The following NSD1 variants were observed in gnomAD, a reference collection of about 807,000 sequenced individuals.
The protein encoded by NSD1 is histone-lysine N-methyltransferase, H3 lysine-36 specific.
Under a neutral mutation model 242.7 loss-of-function variants are expected in NSD1, and 26 were observed. The ratio of observed to expected loss-of-function variants is 0.11; its 90% CI spans 0.08 to 0.15. The LOEUF (loss-of-function observed/expected upper bound fraction) is 0.15. Ranked by LOEUF, NSD1 falls within the 10% of genes least tolerant of loss-of-function variation. The pLI is 1.00. For missense variants in NSD1, 2,495 were observed against 3,272.8 expected (o/e 0.76, Z 5.80); for synonymous variants, 1,106 against 1,178.1 (o/e 0.94, Z 1.25).
intron 5 of NSD1, among the ~76,000 whole-genome samples, chr5:177,221,277 GTCTT>G (rs1764212903): frequency 6.7e-6 from 1 of 150,342 alleles, no homozygotes; most frequent in Non-Finnish European, 1.5e-5. Context: ...CCCTTTTGCT[GTCTT>G]TCTGCCTTCC....
chr5:177,144,085 GATACAAGATAATTTATATGAAGTA>G (rs1358988398), intron 2 of NSD1, among the ~76,000 whole-genome samples: 1 of 152,142 alleles, frequency 6.6e-6, no homozygotes, highest in Non-Finnish European at 1.5e-5. Context: ...TCCTGGCCAT[GATACAAGATAATTTATATGAAGTA>G]ATACACTGCT....
At chr5:177,281,249 T>A (rs1758849479) in intron 18 of NSD1, among the ~76,000 whole-genome samples, 1 of 152,098 alleles carries the variant, frequency 6.6e-6, no homozygotes, top group Non-Finnish European at 1.5e-5. Flanking sequence ...GGTTAAGCCT[T>A]ATTGGATGAA....
At chr5:177,233,360 C>A (rs1015496510) in intron 5 of NSD1, among the ~76,000 whole-genome samples, 3 of 151,908 alleles carry the variant, frequency 2.0e-5, no homozygotes, top group Admixed American at 1.3e-4. Flanking sequence ...TGAGCTGCTG[C>A]ACCCAGCCCC....
chr5:177,213,634 A>AT (rs918506078), intron 5 of NSD1, among the ~76,000 whole-genome samples: 19 of 151,292 alleles, frequency 1.3e-4, no homozygotes, highest in Non-Finnish European at 2.1e-4. Flanking sequence ...CACCCAGCTA[A>AT]TTTTTTTTTG....
intron 2 of NSD1, among the ~76,000 whole-genome samples, chr5:177,140,993 T>C (rs77735702): frequency 0.031 from 4,684 of 152,198 alleles, 85 homozygotes; most frequent in African/African-American, 0.047. Context: ...CTCTCTCCGA[T>C]TCCCTCCTGG....
chr5:177,276,767 G>A (rs1758422258), intron 17 of NSD1, among the ~76,000 whole-genome samples: 1 of 151,940 alleles, frequency 6.6e-6, no homozygotes, highest in Non-Finnish European at 1.5e-5. Flanking sequence ...GCCACTCCTG[G>A]CCTTTAAATT....
At chr5:177,215,247 T>G (rs902374476) in intron 5 of NSD1, among the ~76,000 whole-genome samples, 1 of 151,688 alleles carries the variant, frequency 6.6e-6, no homozygotes, top group Non-Finnish European at 1.5e-5. Context: ...TGGCACAATC[T>G]CAGTTCACTG....
chr5:177,182,560 C>G (rs1453975176), intron 2 of NSD1, among the ~76,000 whole-genome samples: 1 of 152,122 alleles, frequency 6.6e-6, no homozygotes, highest in Non-Finnish European at 1.5e-5. Context: ...CAAGGTTGTG[C>G]CAGCACCCCC....
chr5:177,183,634 A>T (rs571520968), intron 2 of NSD1, among the ~76,000 whole-genome samples: 2 of 152,232 alleles, frequency 1.3e-5, no homozygotes, highest in South Asian at 4.1e-4. Flanking sequence ...ATCTAATTAT[A>T]CCCTTTTTCT....
rs145605083 is a variant in NSD1 at position 177,207,905 on chromosome 5, AGTGTGTGT to A, written c.1237-1721_1237-1714del. 2.0e-5 allele frequency among the ~76,000 whole-genome samples: 3 copies of A among 149,360 alleles called. No individual in the cohort carries two copies. In the South Asian group the frequency reaches 6.4e-4, roughly 32 times the overall value. ...CCATATGCATGCAGCATGTCCAGCT[AGTGTGTGT>A]GTGTGTGTGCGTGTGTGTGTGTGTG... On this transcript the variant is annotated intron_variant, in intron 4 of 22. Coordinates refer to ENST00000439151, the MANE Select transcript of NSD1 (RefSeq NM_022455.5).
intron 2 of NSD1, among the ~76,000 whole-genome samples, chr5:177,152,777 T>C (rs1757834348): frequency 6.6e-6 from 1 of 151,888 alleles, no homozygotes; most frequent in Admixed American, 6.6e-5. Flanking sequence ...TCTTTTTTTT[T>C]TTTGGCAAGT....
chr5:177,235,782 G>A (rs1386982160), intron 5 of NSD1, 39 bp from the exon 6 acceptor site: 2 of 1,613,636 alleles, frequency 1.2e-6, no homozygotes, highest in Admixed American at 3.3e-5. Context: ...TTTTCCTGAA[G>A]CTTTTTGATT....
chr5:177,252,423 A>AAAAAGT (rs1371151464), intron 12 of NSD1, among the ~76,000 whole-genome samples: 1 of 152,154 alleles, frequency 6.6e-6, no homozygotes, highest in Non-Finnish European at 1.5e-5. Flanking sequence ...ATATTTACCA[A>AAAAAGT]AAAAGTAAAA....
intron 8 of NSD1, among the ~76,000 whole-genome samples, chr5:177,241,326 G>A (rs868610609): frequency 2.0e-5 from 3 of 149,920 alleles, no homozygotes; most frequent in African/African-American, 7.4e-5. Flanking sequence ...GTGAAACCCC[G>A]TCTCTACTAA....
At chr5:177,140,448 A>T (rs1411199670) in intron 2 of NSD1, among the ~76,000 whole-genome samples, 1 of 152,198 alleles carries the variant, frequency 6.6e-6, no homozygotes, top group Non-Finnish European at 1.5e-5. Flanking sequence ...CTGAGAAGTG[A>T]TGTAAAATCT....
chr5:177,267,511 A>G, intron 14 of NSD1, 51 bp from the exon 15 acceptor site: 1 of 1,526,534 alleles, frequency 6.6e-7, no homozygotes, highest in East Asian at 2.3e-5. Flanking sequence ...ATGTACACAT[A>G]CATGACTTGC....
chr5:177,211,453 G>C lies in NSD1; in HGVS notation c.3054G>C (p.Arg1018Ser). 6.2e-7 allele frequency: 1 copy of C among 1,614,110 alleles called. No homozygotes were observed. The highest frequency in any genetic ancestry group is 1.1e-5 in the South Asian group (1 of 91,082). ...SGKSRSDCVT[R>S]RNCGRSKPSS... ...AAAGTCGTTCAGACTGTGTTACTAG[G>C]CGCAACTGTGGACGATCAAAGCCTT... Residue 1018 changes from arginine to serine, a missense_variant, in exon 5 of 23, where the codon AGG becomes AGC. By Grantham distance (110) the Arg-to-Ser change is moderately radical. Around this residue, in one of 19 missense-constraint regions of NSD1, gnomAD observed 426 missense variants for 411.4 expected, o/e 1.04. Transcript: ENST00000439151.
intron 9 of NSD1, 92 bp downstream of exon 9, chr5:177,244,362 C>G: frequency 1.1e-6 from 1 of 901,550 alleles, no homozygotes; most frequent in Non-Finnish European, 1.8e-6. Context: ...TGTGTAAGCC[C>G]GACCAGTGAG....
intron 3 of NSD1, 60 bp downstream of exon 3, chr5:177,192,079 T>C: frequency 7.1e-7 from 1 of 1,415,098 alleles, no homozygotes; most frequent in East Asian, 2.3e-5. Flanking sequence ...ACTCAATTTT[T>C]GTTATCTTAA....
Sources: allele counts gnomAD v4.1 joint callset (sites outside exome capture counted in the v4.1 genomes callset), GRCh38; gene constraint gnomAD v4.1.1; regional missense constraint gnomAD v4.1.1; transcripts MANE v1.5; gene names NCBI Gene and HGNC (gene_info 2026-07-23, HGNC 2026-07-21).